The following KCNIP4 variants were observed in gnomAD, a reference collection of about 807,000 sequenced individuals.
KCNIP4 encodes the protein potassium voltage-gated channel interacting protein 4.
A neutral mutation model predicts 34.0 loss-of-function variants in KCNIP4; 12 were observed. The observed-to-expected ratio is 0.35, with a 90% confidence interval of 0.23 to 0.57. KCNIP4 has a LOEUF of 0.57. Ranked by LOEUF, KCNIP4 falls within the 20% of genes least tolerant of loss-of-function variation. The pLI is 0.83. For synonymous variants in KCNIP4, 124 were observed against 102.2 expected (o/e 1.21, Z -1.29); for missense variants, 238 against 311.7 (o/e 0.76, Z 1.78).
chr4:21,059,180 C>A (rs1468124636), intron 1 of KCNIP4, among the ~76,000 whole-genome samples: 1 of 152,104 alleles, frequency 6.6e-6, no homozygotes, highest in Non-Finnish European at 1.5e-5. Context: ...AGCAAAGTTA[C>A]ACAAGATAAC....
chr4:20,730,278 C>A, intron 8 of KCNIP4, 149 bp from the exon 9 acceptor site: 3 of 998,114 alleles, frequency 3.0e-6, no homozygotes, highest in Non-Finnish European at 4.1e-6. Flanking sequence ...ATGTAAATGC[C>A]ATTCTATTCT....
chr4:21,565,064 C>T (rs187044853), intron 1 of KCNIP4, among the ~76,000 whole-genome samples: 1 of 152,116 alleles, frequency 6.6e-6, no homozygotes, highest in East Asian at 1.9e-4. Context: ...AGCAGAGTGA[C>T]CCAAGGCAAG....
intron 1 of KCNIP4, among the ~76,000 whole-genome samples, chr4:21,738,663 A>G (rs1004148594): frequency 3.3e-5 from 5 of 152,158 alleles, no homozygotes; most frequent in Non-Finnish European, 5.9e-5. Context: ...ATTCTCATGT[A>G]TCTAATTCCA....
At chr4:20,907,572 T>C (rs1284433909) in intron 1 of KCNIP4, among the ~76,000 whole-genome samples, 1 of 152,210 alleles carries the variant, frequency 6.6e-6, no homozygotes, top group African/African-American at 2.4e-5. Context: ...AGTAAACTGC[T>C]ATGGACAACT....
At position 20,902,273 on chromosome 4, in the gene KCNIP4, G is replaced by A. The variant is rs558806582; in HGVS notation, c.62-19564C>T. Among the ~76,000 whole-genome samples, 321 of 152,188 alleles carry A rather than the reference G, an allele frequency of 2.1e-3. 1 individual carries two copies. The highest frequency in any genetic ancestry group is 0.01 in the Middle Eastern group (3 of 294). ...AAGCTCAGATAAATTCTCTTTTCCAGGAGTCTTGGAGACAAGGGGACAGAG... is the reference window on the plus strand; with the variant it reads ...AAGCTCAGATAAATTCTCTTTTCCAAGAGTCTTGGAGACAAGGGGACAGAG... On this transcript the variant is annotated intron_variant, in intron 1 of 8. Coordinates refer to ENST00000382152, the MANE Select transcript of KCNIP4 (RefSeq NM_025221.6).
At chr4:21,476,742 C>G (rs1375154636) in intron 1 of KCNIP4, among the ~76,000 whole-genome samples, 1 of 152,158 alleles carries the variant, frequency 6.6e-6, no homozygotes, top group Non-Finnish European at 1.5e-5. Flanking sequence ...GTTAACCAGA[C>G]GCTGTGATAT....
In KCNIP4 at chr4:21,547,699, T is replaced by C. The variant is rs371428346; in HGVS notation, c.61+400872A>G. Among the ~76,000 whole-genome samples the C allele has an allele frequency of 2.6e-5, 4 of 152,152 alleles. No individual in the cohort carries two copies. In the East Asian group the frequency reaches 5.8e-4, roughly 22 times the overall value. On this transcript the variant is annotated intron_variant, in intron 1 of 8. Transcript: ENST00000382152. ...TACATAAGGCCGAATGTCTGTTATC[T>C]GAAACGCTTGAGACTACAAGTGTTT...
intron 1 of KCNIP4, among the ~76,000 whole-genome samples, chr4:21,015,768 T>C (rs920340683): frequency 4.4e-5 from 6 of 136,498 alleles, no homozygotes; most frequent in Non-Finnish European, 9.2e-5. Context: ...ATATATACAA[T>C]ATACATTTAT....
At chr4:21,247,823 A>G (rs866065364) in intron 1 of KCNIP4, among the ~76,000 whole-genome samples, 70 of 134,164 alleles carry the variant, frequency 5.2e-4, no homozygotes, top group South Asian at 4.8e-3. Context: ...ATATATATAC[A>G]CACACACACA....
At chr4:20,837,796 C>A (rs906836092) in intron 3 of KCNIP4, among the ~76,000 whole-genome samples, 2 of 151,464 alleles carry the variant, frequency 1.3e-5, no homozygotes, top group East Asian at 3.9e-4. Flanking sequence ...ATTCTCATGC[C>A]TCAGCCTCCC....
intron 1 of KCNIP4, among the ~76,000 whole-genome samples, chr4:21,746,971 A>G (rs1716821957): frequency 6.6e-6 from 1 of 152,232 alleles, no homozygotes; most frequent in South Asian, 2.1e-4. Flanking sequence ...ATTTCCAAAA[A>G]GCAATATGCA....
intron 1 of KCNIP4, among the ~76,000 whole-genome samples, chr4:21,505,099 T>C (rs1188007976): frequency 6.6e-6 from 1 of 152,198 alleles, no homozygotes; most frequent in African/African-American, 2.4e-5. Context: ...CTAATGAGCA[T>C]TGAGCTGCTT....
intron 1 of KCNIP4, among the ~76,000 whole-genome samples, chr4:21,185,681 T>C (rs1410097293): frequency 2.0e-5 from 3 of 152,198 alleles, no homozygotes; most frequent in African/African-American, 7.2e-5. Flanking sequence ...AGCTTGTCTT[T>C]GTCATCATCA....
intron 1 of KCNIP4, among the ~76,000 whole-genome samples, chr4:21,034,975 C>T (rs542540370): frequency 6.6e-6 from 1 of 152,160 alleles, no homozygotes; most frequent in Non-Finnish European, 1.5e-5. Context: ...AGGCAGATGC[C>T]TACGTGACAG....
chr4:21,875,468 G>T (rs1182990851), intron 1 of KCNIP4, among the ~76,000 whole-genome samples: 1 of 152,134 alleles, frequency 6.6e-6, no homozygotes, highest in East Asian at 1.9e-4. Flanking sequence ...AATAGTCAGT[G>T]GTGATTTGGA....
At chr4:20,887,172 T>C (rs756689591) in intron 1 of KCNIP4, among the ~76,000 whole-genome samples, 23 of 151,924 alleles carry the variant, frequency 1.5e-4, no homozygotes, top group Admixed American at 3.9e-4. Context: ...AAGAAAGGAT[T>C]ATGAGCTTGA....
intron 1 of KCNIP4, among the ~76,000 whole-genome samples, chr4:21,250,290 A>C (rs1199921416): frequency 1.3e-5 from 2 of 152,022 alleles, no homozygotes; most frequent in Non-Finnish European, 2.9e-5. Context: ...TAATGCAGAA[A>C]TTCTCCAGAC....
intron 1 of KCNIP4, among the ~76,000 whole-genome samples, chr4:21,403,709 C>A (rs1723732187): frequency 6.6e-6 from 1 of 152,146 alleles, no homozygotes; most frequent in Admixed American, 6.5e-5. Flanking sequence ...TCTCACATTT[C>A]TAGAGGCCAG....
chr4:21,125,966 C>G (rs1750581596), intron 1 of KCNIP4, among the ~76,000 whole-genome samples: 1 of 151,878 alleles, frequency 6.6e-6, no homozygotes, highest in African/African-American at 2.4e-5. Flanking sequence ...ATGGTTAAAG[C>G]CTTAATTTGA....
Sources: allele counts gnomAD v4.1 joint callset (sites outside exome capture counted in the v4.1 genomes callset), GRCh38; gene constraint gnomAD v4.1.1; transcripts MANE v1.5; gene names NCBI Gene and HGNC (gene_info 2026-07-23, HGNC 2026-07-21).